GAPVD1: variants seen among roughly 807,000 people sequenced by gnomAD.
The protein encoded by GAPVD1 is GTPase activating protein and VPS9 domains 1.
In GAPVD1, 35 loss-of-function variants were observed where a neutral mutation model predicts 155.5. The observed-to-expected ratio is 0.23, with a 90% CI of 0.17 to 0.30. The LOEUF is 0.30. Ranked by LOEUF, GAPVD1 falls within the 10% of genes least tolerant of loss-of-function variation. The pLI is 1.00. For synonymous variants in GAPVD1, 636 were observed against 619.7 expected, an observed-to-expected ratio of 1.03 and a Z score of -0.39; for missense variants, 1,429 against 1,775.7, an observed-to-expected ratio of 0.80 and a Z score of 3.51.
chr9:125,354,528 C>T, intron 23 of GAPVD1, 126 bp from the exon 24 acceptor site: 2 of 625,784 alleles, frequency 3.2e-6, no homozygotes, highest in Admixed American at 2.7e-5. Context: ...GAAGAGAGCA[C>T]AGACATGCTA....
rs913057178 is a variant in GAPVD1, at chr9:125,360,508, T to C, written c.4045-20T>C. On this transcript the variant is annotated intron_variant, in intron 26 of 27. Transcript: ENST00000297933. The stretch of plus-strand genomic sequence containing the variant: ...TGCCACTGGATTCAGAATCTGTATA[T>C]TGTCTATGGTCTCACTTAGGTTTAT... 4.4e-6 allele frequency: 7 copies of C among 1,603,066 alleles called. No homozygotes were observed. Among genetic ancestry groups the C allele is most frequent in the Non-Finnish European group, 6.0e-6 (7 of 1,170,212 alleles).
chr9:125,355,917 A>G (rs1850010797), intron 25 of GAPVD1, 60 bp downstream of exon 25: 11 of 929,160 alleles, frequency 1.2e-5, no homozygotes, highest in Non-Finnish European at 1.8e-5. Context: ...CAGGTAGCCC[A>G]TATTTTAGGC....
chr9:125,316,676 T>C (rs1295940942), intron 9 of GAPVD1, among the ~76,000 whole-genome samples: 1 of 152,238 alleles, frequency 6.6e-6, no homozygotes, highest in Non-Finnish European at 1.5e-5. Context: ...TCTTTGCTAT[T>C]GTGAATAGTG....
intron 11 of GAPVD1, among the ~76,000 whole-genome samples, chr9:125,324,576 TA>T (rs1199921875): frequency 1.3e-5 from 2 of 151,468 alleles, no homozygotes; most frequent in Non-Finnish European, 2.9e-5. Flanking sequence ...GCAAAAAGAG[TA>T]AAACTCCGTC....
At position 125,361,268 on chromosome 9, in the gene GAPVD1, G is replaced by A. The variant is rs184550203; in HGVS notation, c.4242+543G>A. Reference sequence around the variant, plus strand: ...AAAAAGCAGTGCCTAGGTTGGGCGCGGTGGCTCACGCTTGTAATCCCAGCA... The same window carrying A: ...AAAAAGCAGTGCCTAGGTTGGGCGCAGTGGCTCACGCTTGTAATCCCAGCA... On this transcript the variant is annotated intron_variant, in intron 27 of 27. Coordinates refer to ENST00000297933, the MANE Select transcript of GAPVD1 (RefSeq NM_001282680.3). 1.7e-3 allele frequency among the ~76,000 whole-genome samples: 252 copies of A among 152,144 alleles called. 1 individual carries two copies. The highest frequency in any genetic ancestry group is 5.6e-3 in the African/African-American group (234 of 41,516).
intron 19 of GAPVD1, among the ~76,000 whole-genome samples, chr9:125,343,094 G>A (rs554185049): frequency 2.0e-5 from 3 of 152,208 alleles, no homozygotes; most frequent in Admixed American, 6.5e-5. Context: ...TTCAACCCAC[G>A]GACCGCAGAC....
intron 18 of GAPVD1, 197 bp from the exon 19 acceptor site, chr9:125,342,022 A>ATGAC (rs1847904476): frequency 4.0e-6 from 2 of 505,346 alleles, no homozygotes; most frequent in South Asian, 5.4e-5. Flanking sequence ...CCTATGACAG[A>ATGAC]TGACTCCGAA....
At position 125,293,850 on chromosome 9, in the gene GAPVD1, TTTTATA is replaced by T. The variant is rs1167206877; in HGVS notation, c.-149-1606_-149-1601del. 1.0e-3 allele frequency among the ~76,000 whole-genome samples: 44 copies of T among 42,852 alleles called. 1 individual carries two copies. The highest frequency in any genetic ancestry group is 2.1e-3 in the Admixed American group (5 of 2,412). The allele number at this position is 42,852 out of a possible 152,430, so 28.1% of individuals were successfully genotyped here. On this transcript the variant is annotated intron_variant, in intron 2 of 27. Transcript: ENST00000297933. The stretch of plus-strand genomic sequence containing the variant: ...AAAAAAATATATATATAAAAATATA[TTTTATA>T]TATATATATATATATATATATATAT...
At chr9:125,269,332 T>C (rs1162902863) in intron 2 of GAPVD1, among the ~76,000 whole-genome samples, 1 of 152,180 alleles carries the variant, frequency 6.6e-6, no homozygotes, top group African/African-American at 2.4e-5. Context: ...GGCTGTTTTT[T>C]TGTCATACAT....
At chr9:125,307,964 A>G in intron 8 of GAPVD1, 84 bp downstream of exon 8, 1 of 921,172 alleles carries the variant, frequency 1.1e-6, no homozygotes. Context: ...TTTGGAACAT[A>G]TGTTTAAGTA....
chr9:125,312,323 T>A (rs981109382), intron 8 of GAPVD1, 129 bp from the exon 9 acceptor site: 2 of 603,300 alleles, frequency 3.3e-6, no homozygotes, highest in African/African-American at 3.9e-5. Flanking sequence ...TTTTTTCTTA[T>A]TTATATTTTT....
intron 15 of GAPVD1, among the ~76,000 whole-genome samples, chr9:125,334,830 T>C (rs1846646012): frequency 6.6e-6 from 1 of 152,088 alleles, no homozygotes; most frequent in African/African-American, 2.4e-5. Flanking sequence ...TGATCCTGTT[T>C]CTTAGAGAAG....
chr9:125,352,213 G>A (rs1276304742), intron 23 of GAPVD1, among the ~76,000 whole-genome samples: 1 of 152,230 alleles, frequency 6.6e-6, no homozygotes, highest in African/African-American at 2.4e-5. Context: ...TCTTCTCACA[G>A]CTCTACTAGG....
At chr9:125,310,326 G>A (rs1249090049) in intron 8 of GAPVD1, among the ~76,000 whole-genome samples, 1 of 152,140 alleles carries the variant, frequency 6.6e-6, no homozygotes, top group African/African-American at 2.4e-5. Flanking sequence ...AATCAGCATT[G>A]TAAAGAAAGG....
At chr9:125,312,048 T>C (rs1350196578) in intron 8 of GAPVD1, among the ~76,000 whole-genome samples, 2 of 152,146 alleles carry the variant, frequency 1.3e-5, no homozygotes, top group African/African-American at 4.8e-5. Flanking sequence ...CAGTTATTGG[T>C]ATGGGAGACC....
chr9:125,338,953 G>GTA (rs1230167383), intron 17 of GAPVD1, among the ~76,000 whole-genome samples: 1 of 149,146 alleles, frequency 6.7e-6, no homozygotes, highest in African/African-American at 2.5e-5. Context: ...GTGTGTGTGT[G>GTA]TGTGTATATA....
intron 17 of GAPVD1, among the ~76,000 whole-genome samples, chr9:125,339,130 C>T (rs1386513979): frequency 6.6e-6 from 1 of 152,098 alleles, no homozygotes; most frequent in African/African-American, 2.4e-5. Context: ...TATAGGCATG[C>T]ACCACATGCC....
At chr9:125,358,795 T>C (rs1850490373) in intron 25 of GAPVD1, among the ~76,000 whole-genome samples, 1 of 152,212 alleles carries the variant, frequency 6.6e-6, no homozygotes, top group Non-Finnish European at 1.5e-5. Context: ...TCAAACCATA[T>C]AGACTACAAA....
intron 24 of GAPVD1, among the ~76,000 whole-genome samples, chr9:125,355,278 A>G (rs1291288157): frequency 6.6e-6 from 1 of 152,050 alleles, no homozygotes; most frequent in Non-Finnish European, 1.5e-5. Flanking sequence ...GCTAATTTTC[A>G]TATCTTTAGT....
Sources: gnomAD v4.1 joint callset for allele counts (sites outside exome capture counted in the v4.1 genomes callset) on GRCh38, gnomAD v4.1.1 for gene constraint, MANE v1.5 for transcripts, NCBI Gene and HGNC (gene_info 2026-07-23, HGNC 2026-07-21) for gene names.